UNC5B: variants seen among roughly 807,000 people sequenced by gnomAD.
The protein encoded by UNC5B is netrin receptor UNC5B.
A neutral mutation model predicts 103.7 loss-of-function variants in UNC5B; 56 were observed. That is an observed-to-expected ratio of 0.54 (90% CI 0.44 to 0.67). The LOEUF (loss-of-function observed/expected upper bound fraction) is 0.67, where lower values mean the gene tolerates loss of function less well. UNC5B is among the 30% of genes least tolerant of loss of function. The pLI, the probability that UNC5B is intolerant of heterozygous loss-of-function variation, is 0.00. For synonymous variants in UNC5B, 577 were observed against 542.0 expected, an observed-to-expected ratio of 1.06 and a Z score of -0.90; for missense variants, 1,194 against 1,284.5, an observed-to-expected ratio of 0.93 and a Z score of 1.08.
chr10:71,296,017 C>T (rs1589206916), intron 14 of UNC5B, 57 bp downstream of exon 14: 1 of 1,608,014 alleles, frequency 6.2e-7, no homozygotes, highest in Non-Finnish European at 8.5e-7. Flanking sequence ...CCCGGGAAGC[C>T]CAGCTCCCTC....
intron 1 of UNC5B, among the ~76,000 whole-genome samples, chr10:71,244,919 G>A (rs1026834297): frequency 6.6e-6 from 1 of 152,238 alleles, no homozygotes; most frequent in African/African-American, 2.4e-5. Flanking sequence ...CAGTTCTCCA[G>A]CAGCCAGATG....
chr10:71,268,937 C>A (rs1589179600), intron 1 of UNC5B, among the ~76,000 whole-genome samples: 1 of 152,218 alleles, frequency 6.6e-6, no homozygotes, highest in Non-Finnish European at 1.5e-5. Context: ...AGCTCTGCGT[C>A]CTTCAGCTCC....
intron 1 of UNC5B, among the ~76,000 whole-genome samples, chr10:71,239,064 A>T (rs182983136): frequency 2.0e-5 from 3 of 152,144 alleles, no homozygotes; most frequent in Admixed American, 2.0e-4. Context: ...GGTGGAAGAG[A>T]GGGTGGGTTC....
At chr10:71,240,779 T>C (rs1457195999) in intron 1 of UNC5B, among the ~76,000 whole-genome samples, 1 of 152,240 alleles carries the variant, frequency 6.6e-6, no homozygotes, top group Non-Finnish European at 1.5e-5. Flanking sequence ...TCCATCTGTC[T>C]AGCTTGAGAA....
intron 1 of UNC5B, among the ~76,000 whole-genome samples, chr10:71,219,065 T>C (rs1352350386): frequency 6.6e-6 from 1 of 152,170 alleles, no homozygotes; most frequent in Non-Finnish European, 1.5e-5. Context: ...AGATGGACTG[T>C]TCTGGAGCAG....
chr10:71,279,851 A>C lies in UNC5B; in HGVS notation c.110A>C (p.Asp37Ala). The C allele has an allele frequency of 6.2e-7, 1 of 1,612,906 alleles. No individual in the cohort carries two copies. The highest frequency in any genetic ancestry group is 1.1e-5 in the South Asian group (1 of 90,984). ...GATTCTGGCAGCGAGGTGCTCCCTG[A>C]CTCCTTCCCGTCAGCGCCAGCAGAG... is the stretch of plus-strand genomic sequence containing the variant. The part of the protein sequence containing the change: ...GTDSGSEVLP[D>A]SFPSAPAEPL... Residue 37 changes from aspartate (D) to alanine (A), a missense_variant, in exon 2 of 17, where the codon GAC (aspartate) becomes GCC (alanine). Asp to Ala is a moderately radical substitution (Grantham distance 126). Transcript: ENST00000335350.
rs535564417 is a variant in UNC5B, at chr10:71,287,346, C to G, written c.734-252C>G. Among the ~76,000 whole-genome samples the G allele has an allele frequency of 1.9e-3, 289 of 152,308 alleles. 2 individuals carry two copies. Among genetic ancestry groups the G allele is most frequent in the African/African-American group, 6.6e-3 (275 of 41,566 alleles). On this transcript the variant is annotated intron_variant, in intron 5 of 16. Transcript: ENST00000335350. The stretch of plus-strand genomic sequence containing the variant: ...CAGGGTGACCCTGGGGAAGTGGCAG[C>G]CCTTTCTGGACCTTCTTTGCCGTCT...
chr10:71,255,639 C>G (rs1216160443), intron 1 of UNC5B, among the ~76,000 whole-genome samples: 1 of 152,198 alleles, frequency 6.6e-6, no homozygotes, highest in African/African-American at 2.4e-5. Context: ...GAGCGGAAGC[C>G]CTTTAAAGTA....
At chr10:71,287,900 GC>G in intron 6 of UNC5B, 135 bp downstream of exon 6, 3 of 1,217,990 alleles carry the variant, frequency 2.5e-6, no homozygotes, top group Non-Finnish European at 3.3e-6. Flanking sequence ...ACAGCCGGCT[GC>G]CCAGGCTGAC....
chr10:71,249,149 G>A (rs1416258567), intron 1 of UNC5B, among the ~76,000 whole-genome samples: 3 of 152,180 alleles, frequency 2.0e-5, no homozygotes, highest in African/African-American at 4.8e-5. Flanking sequence ...AGGGTTGAAC[G>A]CACTCATGAG....
intron 1 of UNC5B, among the ~76,000 whole-genome samples, chr10:71,228,880 C>A (rs923952389): frequency 2.0e-5 from 3 of 152,214 alleles, no homozygotes; most frequent in Admixed American, 2.0e-4. Flanking sequence ...CCACCCTAAT[C>A]TAGCTTTTAG....
In UNC5B at chr10:71,301,159, C is replaced by T. The variant is rs1488353471; in HGVS notation, c.*1882C>T. ...CATGCCCCAGCAGGTCTCCGAGCAGCCACTGGGACCCGTCTCAGCACATCC... is the reference window on the plus strand; with the variant it reads ...CATGCCCCAGCAGGTCTCCGAGCAGTCACTGGGACCCGTCTCAGCACATCC... On this transcript the variant is annotated 3_prime_UTR_variant, in exon 17 of 17. Transcript: ENST00000335350. The T allele has an allele frequency of 6.6e-6, 1 of 152,352 alleles. No individual in the cohort carries two copies. The highest frequency in any genetic ancestry group is 1.5e-5 in the Non-Finnish European group (1 of 68,158). The allele number at this position is 152,352 out of a possible 1,614,324, so 9.4% of individuals were successfully genotyped here.
chr10:71,273,170 T>C (rs563062303), intron 1 of UNC5B, among the ~76,000 whole-genome samples: 2 of 152,382 alleles, frequency 1.3e-5, no homozygotes, highest in South Asian at 4.1e-4. Flanking sequence ...ATTATAGGCG[T>C]GAGCCGCCGC....
intron 8 of UNC5B, among the ~76,000 whole-genome samples, chr10:71,289,259 G>A (rs1845183328): frequency 6.6e-6 from 1 of 152,252 alleles, no homozygotes; most frequent in Non-Finnish European, 1.5e-5. Flanking sequence ...GAGAGGAAGG[G>A]ACTTGGCCAG....
chr10:71,271,182 A>G (rs1039313402), intron 1 of UNC5B, among the ~76,000 whole-genome samples: 1 of 152,222 alleles, frequency 6.6e-6, no homozygotes, highest in Non-Finnish European at 1.5e-5. Flanking sequence ...AGGACAGAAC[A>G]ATAGCTGTCC....
chr10:71,214,399 T>C (rs913315552), intron 1 of UNC5B, among the ~76,000 whole-genome samples: 2 of 152,078 alleles, frequency 1.3e-5, no homozygotes, highest in South Asian at 4.2e-4. Context: ...CTCAACCATT[T>C]GATCCAAGTT....
chr10:71,281,585 C>T (rs546472300), intron 2 of UNC5B, among the ~76,000 whole-genome samples: 73 of 152,350 alleles, frequency 4.8e-4, no homozygotes, highest in African/African-American at 1.6e-3. Flanking sequence ...CGTGATCCCC[C>T]GGCCTTGGCC....
At position 71,293,385 on chromosome 10, in the gene UNC5B, TA is replaced by T; in HGVS notation, c.1773-19del. 1 of 1,605,344 alleles carries T rather than the reference TA, an allele frequency of 6.2e-7. No homozygotes were observed. Among genetic ancestry groups the T allele is most frequent in the East Asian group, 2.2e-5 (1 of 44,726 alleles). ...GCCGAGCTCTTCACTGCCTCTCTCC[TA>T]CCCTGTGTCCTCCTCCAGCCCGCTT... On this transcript the variant is annotated intron_variant, in intron 11 of 16. Transcript: ENST00000335350.
chr10:71,232,896 G>A (rs1328257878), intron 1 of UNC5B, among the ~76,000 whole-genome samples: 1 of 152,218 alleles, frequency 6.6e-6, no homozygotes, highest in Non-Finnish European at 1.5e-5. Context: ...AGATGGGCAT[G>A]ATTACCTTGC....
Sources: allele counts gnomAD v4.1 joint callset (sites outside exome capture counted in the v4.1 genomes callset), GRCh38; gene constraint gnomAD v4.1.1; transcripts MANE v1.5; gene names NCBI Gene and HGNC (gene_info 2026-07-23, HGNC 2026-07-21).